PRKG1: variants seen among roughly 807,000 people sequenced by gnomAD.
PRKG1 encodes cGMP-dependent protein kinase 1.
A neutral mutation model predicts 88.1 loss-of-function variants in PRKG1; 35 were observed. The observed-to-expected ratio is 0.40, with a 90% CI of 0.30 to 0.53. The LOEUF is 0.53. PRKG1 is among the 20% of genes least tolerant of loss of function. The pLI is 0.59. For missense variants in PRKG1, 540 were observed against 839.8 expected (o/e 0.64, Z 4.41); for synonymous variants, 303 against 292.5 (o/e 1.04, Z -0.37).
intron 2 of PRKG1, among the ~76,000 whole-genome samples, chr10:51,244,015 T>C (rs1287648579): frequency 1.3e-5 from 2 of 152,184 alleles, no homozygotes; most frequent in African/African-American, 2.4e-5. Flanking sequence ...TCTATTGTGT[T>C]GATGTTGTCA....
intron 5 of PRKG1, among the ~76,000 whole-genome samples, chr10:51,994,627 G>A (rs1234593971): frequency 6.6e-6 from 1 of 152,186 alleles, no homozygotes; most frequent in Admixed American, 6.5e-5. Context: ...AGGAGCCTTA[G>A]TCCTTAGGTC....
chr10:51,945,977 T>A (rs1843023480), intron 5 of PRKG1, among the ~76,000 whole-genome samples: 1 of 150,994 alleles, frequency 6.6e-6, no homozygotes, highest in Non-Finnish European at 1.5e-5. Context: ...GCGTTCTCTG[T>A]ATTTCCTGAA....
intron 5 of PRKG1, among the ~76,000 whole-genome samples, chr10:51,986,130 G>T (rs1362836573): frequency 6.6e-6 from 1 of 152,082 alleles, no homozygotes; most frequent in Non-Finnish European, 1.5e-5. Context: ...CCAGGAAAGG[G>T]TCAAAATTTG....
At chr10:51,163,494 G>GAGGT (rs1564623178) in intron 2 of PRKG1, among the ~76,000 whole-genome samples, 1 of 152,160 alleles carries the variant, frequency 6.6e-6, no homozygotes, top group Non-Finnish European at 1.5e-5. Flanking sequence ...ATTTCCATCT[G>GAGGT]AGGTACCGGG....
At chr10:51,012,242 A>G (rs1387001306) in intron 1 of PRKG1, among the ~76,000 whole-genome samples, 1 of 152,200 alleles carries the variant, frequency 6.6e-6, no homozygotes, top group East Asian at 1.9e-4. Flanking sequence ...GGAGCTTTCT[A>G]GCAGAGTTTC....
At chr10:52,058,481 A>C (rs953628881) in intron 6 of PRKG1, among the ~76,000 whole-genome samples, 10 of 152,032 alleles carry the variant, frequency 6.6e-5, no homozygotes, top group Non-Finnish European at 1.3e-4. Flanking sequence ...TCTTGCCCTG[A>C]TAAGTGGTAT....
chr10:51,959,138 T>C (rs943861026), intron 5 of PRKG1, among the ~76,000 whole-genome samples: 7 of 152,160 alleles, frequency 4.6e-5, no homozygotes, highest in Admixed American at 4.6e-4. Context: ...CATAATTTAT[T>C]TCAGGTGTAA....
At chr10:52,056,364 C>T (rs1010408399) in intron 6 of PRKG1, among the ~76,000 whole-genome samples, 124 of 152,270 alleles carry the variant, frequency 8.1e-4, no homozygotes, top group African/African-American at 2.6e-3. Flanking sequence ...TAATTCTTCG[C>T]TATGATGCAA....
chr10:51,669,224 G>A (rs760588312), intron 3 of PRKG1, among the ~76,000 whole-genome samples: 15 of 152,182 alleles, frequency 9.9e-5, no homozygotes, highest in Non-Finnish European at 2.2e-4. Flanking sequence ...CTGAGGGCTG[G>A]AAGTCTGAGA....
chr10:51,104,924 T>G (rs1433392290), intron 1 of PRKG1, among the ~76,000 whole-genome samples: 1 of 152,018 alleles, frequency 6.6e-6, no homozygotes, highest in Admixed American at 6.6e-5. Flanking sequence ...AGAGATGGGT[T>G]TTCACCATGT....
intron 2 of PRKG1, among the ~76,000 whole-genome samples, chr10:51,433,630 G>A (rs183168528): frequency 5.9e-4 from 89 of 150,706 alleles, no homozygotes; most frequent in Admixed American, 1.5e-3. Flanking sequence ...CAGCAATAGG[G>A]GCCTTTTAGT....
chr10:51,435,146 T>C (rs1838884224), intron 2 of PRKG1, among the ~76,000 whole-genome samples: 1 of 152,086 alleles, frequency 6.6e-6, no homozygotes, highest in Non-Finnish European at 1.5e-5. Context: ...GTATGAAATG[T>C]ACCTTATGTA....
At chr10:52,136,685 T>A (rs1169315709) in intron 8 of PRKG1, among the ~76,000 whole-genome samples, 2 of 152,040 alleles carry the variant, frequency 1.3e-5, no homozygotes, top group African/African-American at 2.4e-5. Flanking sequence ...GATTTGAAAA[T>A]CAAATGATTT....
chr10:51,814,070 C>A (rs1374170198), intron 4 of PRKG1, among the ~76,000 whole-genome samples: 3 of 152,180 alleles, frequency 2.0e-5, no homozygotes, highest in Non-Finnish European at 4.4e-5. Context: ...CTTCTGCAGA[C>A]ATTCAGACAC....
intron 3 of PRKG1, among the ~76,000 whole-genome samples, chr10:51,685,128 A>G (rs1840954546): frequency 6.6e-6 from 1 of 152,182 alleles, no homozygotes; most frequent in Admixed American, 6.5e-5. Flanking sequence ...GATGCCTAAT[A>G]TTTCTCCACA....
At chr10:52,188,259 T>C (rs61326174) in intron 9 of PRKG1, among the ~76,000 whole-genome samples, 469 of 10,282 alleles carry the variant, frequency 0.046, 2 homozygotes, top group East Asian at 0.1. Flanking sequence ...TGTGTATATA[T>C]ATACATATGT....
chr10:51,947,195 C>T (rs11000245), intron 5 of PRKG1, among the ~76,000 whole-genome samples: 30,626 of 151,944 alleles, frequency 0.2, 3,997 homozygotes, highest in Non-Finnish European at 0.29. Flanking sequence ...GCCTCGCTGC[C>T]GCCTTGCAGT....
At chr10:51,690,600 G>GA (rs1841111444) in intron 3 of PRKG1, among the ~76,000 whole-genome samples, 1 of 152,060 alleles carries the variant, frequency 6.6e-6, no homozygotes, top group Non-Finnish European at 1.5e-5. Context: ...GAGAGTCAGA[G>GA]GTTGGCAGGT....
intron 3 of PRKG1, among the ~76,000 whole-genome samples, chr10:51,710,667 A>T (rs1424507480): frequency 6.6e-6 from 1 of 152,212 alleles, no homozygotes; most frequent in Non-Finnish European, 1.5e-5. Context: ...ACATAAGTAA[A>T]CATAGAACCA....
Sources: gnomAD v4.1 joint callset for allele counts (sites outside exome capture counted in the v4.1 genomes callset) on GRCh38, gnomAD v4.1.1 for gene constraint, MANE v1.5 for transcripts, NCBI Gene and HGNC (gene_info 2026-07-23, HGNC 2026-07-21) for gene names.